USP15: variants seen among roughly 807,000 people sequenced by gnomAD.
The protein encoded by USP15 is ubiquitin carboxyl-terminal hydrolase 15.
Under a neutral mutation model 127.1 loss-of-function variants are expected in USP15, and 18 were observed. That is an observed-to-expected ratio of 0.14 (90% CI 0.10 to 0.21). The LOEUF is 0.21. Ranked by LOEUF, USP15 falls within the 10% of genes least tolerant of loss-of-function variation. The pLI, the probability that USP15 is intolerant of heterozygous loss-of-function variation, is 1.00. For missense variants in USP15, 805 were observed against 1,159.9 expected (o/e 0.69, Z 4.44); for synonymous variants, 364 against 393.7 (o/e 0.92, Z 0.89).
chr12:62,342,610 ATGT>A (rs1187980468), intron 6 of USP15, among the ~76,000 whole-genome samples: 1 of 151,470 alleles, frequency 6.6e-6, no homozygotes. Flanking sequence ...CTTTTTGTTG[ATGT>A]TGTTGCTTTC....
chr12:62,306,793 G>A (rs546521291), intron 3 of USP15, among the ~76,000 whole-genome samples: 125 of 152,024 alleles, frequency 8.2e-4, no homozygotes, highest in Non-Finnish European at 1.5e-3. Flanking sequence ...AGTATTCTCA[G>A]AAAAAAAGTG....
intron 8 of USP15, 58 bp downstream of exon 8, chr12:62,355,533 G>A (rs904857345): frequency 2.0e-6 from 3 of 1,496,538 alleles, no homozygotes; most frequent in Non-Finnish European, 1.8e-6. Context: ...AATACAAGAA[G>A]ATAAAGTTGG....
chr12:62,331,008 G>A (rs928530990), intron 6 of USP15, among the ~76,000 whole-genome samples: 1 of 150,694 alleles, frequency 6.6e-6, no homozygotes, highest in Non-Finnish European at 1.5e-5. Context: ...CTCCAGCACA[G>A]AACACGTAAT....
At chr12:62,387,466 G>C (rs142997530) in intron 11 of USP15, among the ~76,000 whole-genome samples, 1 of 152,068 alleles carries the variant, frequency 6.6e-6, no homozygotes, top group Non-Finnish European at 1.5e-5. Context: ...AACAATGTAG[G>C]AGAACTTCAA....
chr12:62,286,658 C>T (rs2063795998), intron 1 of USP15, among the ~76,000 whole-genome samples: 1 of 152,110 alleles, frequency 6.6e-6, no homozygotes, highest in African/African-American at 2.4e-5. Context: ...TGATACATGG[C>T]CGGGCGTGGT....
At chr12:62,344,381 C>A (rs1037773886) in intron 6 of USP15, among the ~76,000 whole-genome samples, 4 of 152,224 alleles carry the variant, frequency 2.6e-5, no homozygotes, top group Non-Finnish European at 5.9e-5. Flanking sequence ...GACTCCATGT[C>A]TTGCATCTGG....
Position 62,405,416 on chromosome 12 carries a change from C to T in USP15, c.*1041C>T, listed in dbSNP as rs1307017166. 1 of 152,536 alleles carries T rather than the reference C, an allele frequency of 6.6e-6. No individual in the cohort carries two copies. Among genetic ancestry groups the T allele is most frequent in the Non-Finnish European group, 1.5e-5 (1 of 67,970 alleles). 9.4% of individuals were successfully genotyped at this position (152,536 alleles called of 1,614,324 possible). ...CCTGATGGAATTCACCATAGCCTTA[C>T]AGCTTTTCTCAGAAGGTAACTTGTT... On this transcript the variant is annotated 3_prime_UTR_variant, in exon 22 of 22. Transcript: ENST00000280377.
At chr12:62,400,021 A>G (rs186372708) in intron 20 of USP15, among the ~76,000 whole-genome samples, 50 of 152,296 alleles carry the variant, frequency 3.3e-4, no homozygotes, top group African/African-American at 1.1e-3. Context: ...TTATTTATAT[A>G]CAAATGGGAA....
chr12:62,373,066 C>G (rs2066724539), intron 8 of USP15, among the ~76,000 whole-genome samples: 1 of 152,026 alleles, frequency 6.6e-6, no homozygotes, highest in African/African-American at 2.4e-5. Flanking sequence ...AGTCTTCTAG[C>G]CTTTTTGCTG....
intron 6 of USP15, among the ~76,000 whole-genome samples, chr12:62,343,719 G>T (rs2065722656): frequency 6.6e-6 from 1 of 152,104 alleles, no homozygotes; most frequent in Non-Finnish European, 1.5e-5. Flanking sequence ...ACTCTCTGTG[G>T]GTTGTACCCA....
intron 4 of USP15, 136 bp downstream of exon 4, chr12:62,315,052 T>C (rs1206157204): frequency 3.9e-6 from 3 of 774,952 alleles, no homozygotes; most frequent in Non-Finnish European, 3.6e-6. Flanking sequence ...TTTGATACAA[T>C]GTCTTAGAGT....
chr12:62,283,175 AC>A (rs2063698718), intron 1 of USP15, among the ~76,000 whole-genome samples: 1 of 152,210 alleles, frequency 6.6e-6, no homozygotes, highest in Non-Finnish European at 1.5e-5. Context: ...CCCGTTACAA[AC>A]TACTTTTGTA....
At chr12:62,381,856 GTTTTGT>G (rs377600000) in intron 9 of USP15, among the ~76,000 whole-genome samples, 193 bp downstream of exon 9, 19 of 151,936 alleles carry the variant, frequency 1.3e-4, no homozygotes, top group African/African-American at 1.9e-4. Flanking sequence ...CAGTTTATCT[GTTTTGT>G]TTTTGTTTTT....
chr12:62,328,074 T>C lies in USP15; in HGVS notation c.683+2141T>C, dbSNP rs139177980. 1.9e-3 allele frequency among the ~76,000 whole-genome samples: 294 copies of C among 152,282 alleles called. 3 individuals are homozygous for C. Among genetic ancestry groups the C allele is most frequent in the African/African-American group, 6.8e-3 (282 of 41,560 alleles). Reference sequence around the variant, plus strand: ...AGTCTATAGCAAAAGTTACATTTCATTGAGAAATTTTGAGCACAATTTAAG... The same window carrying C: ...AGTCTATAGCAAAAGTTACATTTCACTGAGAAATTTTGAGCACAATTTAAG... On this transcript the variant is annotated intron_variant, in intron 6 of 21. Coordinates refer to ENST00000280377, the MANE Select transcript of USP15 (RefSeq NM_001252078.2).
intron 1 of USP15, among the ~76,000 whole-genome samples, chr12:62,264,057 G>A (rs11174402): frequency 0.063 from 9,579 of 152,182 alleles, 398 homozygotes; most frequent in Middle Eastern, 0.095. Context: ...GCGTGGTCTC[G>A]GCTCACCGCA....
chr12:62,344,441 C>T (rs1183276215), intron 6 of USP15, among the ~76,000 whole-genome samples: 2 of 152,206 alleles, frequency 1.3e-5, no homozygotes, highest in African/African-American at 4.8e-5. Context: ...CAGCTCTTTC[C>T]CTGTGGCTTT....
intron 13 of USP15, 29 bp from the exon 14 acceptor site, chr12:62,389,768 A>G (rs1192894633): frequency 6.2e-7 from 1 of 1,600,474 alleles, no homozygotes; most frequent in African/African-American, 1.3e-5. Context: ...TAAAATTTTG[A>G]GAGTTTATGG....
At position 62,372,262 on chromosome 12, in the gene USP15, C is replaced by G. The variant is rs570918998; in HGVS notation, c.916-9228C>G. Among the ~76,000 whole-genome samples, 15 of 152,206 alleles carry G rather than the reference C, an allele frequency of 9.9e-5. 1 individual carries two copies. Among genetic ancestry groups the G allele is most frequent in the African/African-American group, 3.1e-4 (13 of 41,546 alleles). On this transcript the variant is annotated intron_variant, in intron 8 of 21. Transcript: ENST00000280377. The stretch of plus-strand genomic sequence containing the variant: ...AGCTACCTATATATGTATAATAACT[C>G]TTGGACCATATACGGTCCTGCAAAT...
At chr12:62,374,843 G>A (rs1157351462) in intron 8 of USP15, among the ~76,000 whole-genome samples, 1 of 152,032 alleles carries the variant, frequency 6.6e-6, no homozygotes, top group Non-Finnish European at 1.5e-5. Flanking sequence ...ATAAAGAAAA[G>A]TTATGTGCAA....
Sources: allele counts gnomAD v4.1 joint callset (sites outside exome capture counted in the v4.1 genomes callset), GRCh38; gene constraint gnomAD v4.1.1; transcripts MANE v1.5; gene names NCBI Gene and HGNC (gene_info 2026-07-23, HGNC 2026-07-21).